RBFOX1: variants seen among roughly 807,000 people sequenced by gnomAD.
RBFOX1 encodes the protein RNA binding protein fox-1 homolog 1.
Under a neutral mutation model 57.7 loss-of-function variants are expected in RBFOX1, and 8 were observed. The observed-to-expected ratio is 0.14, with a 90% CI of 0.08 to 0.25. RBFOX1 has a LOEUF of 0.25. Ranked by LOEUF, RBFOX1 falls within the 10% of genes least tolerant of loss-of-function variation. The probability of loss-of-function intolerance (pLI) is 1.00; values close to 1 mark genes in which losing one functional copy is unlikely to be tolerated. For missense variants in RBFOX1, 611 were observed against 548.5 expected (o/e 1.11, Z -1.14); for synonymous variants, 326 against 222.4 (o/e 1.47, Z -4.15).
chr16:6,625,157 TAAAAAAAA>T (rs34634402), intron 2 of RBFOX1, among the ~76,000 whole-genome samples: 2 of 56,324 alleles, frequency 3.6e-5, no homozygotes, highest in Non-Finnish European at 3.0e-5. Flanking sequence ...CAACCCTATC[TAAAAAAAA>T]AAAAAAAAAA....
At chr16:5,383,900 C>G (rs1462465880) in intron 1 of RBFOX1, among the ~76,000 whole-genome samples, 2 of 152,190 alleles carry the variant, frequency 1.3e-5, no homozygotes, top group Non-Finnish European at 2.9e-5. Context: ...AAGGCTTGAT[C>G]TAGGAGCTTG....
At chr16:6,350,964 A>G (rs2086250073) in intron 2 of RBFOX1, among the ~76,000 whole-genome samples, 1 of 152,190 alleles carries the variant, frequency 6.6e-6, no homozygotes, top group South Asian at 2.1e-4. Context: ...AATGCCTGAA[A>G]TGAAGACCAC....
At chr16:7,083,402 GC>G (rs2059496535) in intron 4 of RBFOX1, among the ~76,000 whole-genome samples, 1 of 151,930 alleles carries the variant, frequency 6.6e-6, no homozygotes. Flanking sequence ...CTGAGCAGAG[GC>G]AGGAAGAGCA....
At chr16:7,280,962 TCCC>T (rs2095530203) in intron 4 of RBFOX1, among the ~76,000 whole-genome samples, 2 of 67,936 alleles carry the variant, frequency 2.9e-5, no homozygotes, top group African/African-American at 1.2e-4. Context: ...CCTACCTCCC[TCCC>T]TCCCTCCCTC....
chr16:5,483,783 G>C (rs773708137), intron 2 of RBFOX1, among the ~76,000 whole-genome samples: 8 of 152,168 alleles, frequency 5.3e-5, no homozygotes, highest in Non-Finnish European at 1.0e-4. Context: ...TAAAACAACA[G>C]ACATTTATTA....
At chr16:6,523,824 T>G (rs1466132446) in intron 2 of RBFOX1, among the ~76,000 whole-genome samples, 1 of 152,178 alleles carries the variant, frequency 6.6e-6, no homozygotes, top group African/African-American at 2.4e-5. Context: ...AGGTAAGATT[T>G]TCTTTGAAAA....
chr16:7,449,829 G>C (rs1332535281), intron 4 of RBFOX1, among the ~76,000 whole-genome samples: 4 of 151,982 alleles, frequency 2.6e-5, no homozygotes, highest in Non-Finnish European at 5.9e-5. Flanking sequence ...CCTTCACAGG[G>C]TAAAGTGTTC....
chr16:7,194,095 A>C (rs1224367377), intron 4 of RBFOX1, among the ~76,000 whole-genome samples: 1 of 152,068 alleles, frequency 6.6e-6, no homozygotes, highest in Non-Finnish European at 1.5e-5. Context: ...TTCTCTTTCC[A>C]TTTCTCTTTC....
At chr16:5,957,288 C>G (rs868791102) in intron 4 of RBFOX1, among the ~76,000 whole-genome samples, 1 of 152,114 alleles carries the variant, frequency 6.6e-6, no homozygotes, top group Non-Finnish European at 1.5e-5. Context: ...GATCTCAGCT[C>G]ACTGCAACCT....
At position 6,537,161 on chromosome 16, in the gene RBFOX1, C is replaced by G. The variant is rs546248964; in HGVS notation, c.-63-117442C>G. On this transcript the variant is annotated intron_variant, in intron 2 of 15. Coordinates refer to ENST00000550418, the MANE Select transcript of RBFOX1 (RefSeq NM_018723.4). ...CACAGGGATCTTTCCAGGAATCTTC[C>G]TACAATGCATATTCTGTTTCGTAGG... Among the ~76,000 whole-genome samples the G allele has an allele frequency of 2.2e-3, 341 of 152,206 alleles. 2 individuals carry two copies. Among genetic ancestry groups the G allele is most frequent in the Non-Finnish European group, 2.8e-3 (191 of 68,028 alleles).
At chr16:7,648,001 T>C (rs976513829) in intron 11 of RBFOX1, among the ~76,000 whole-genome samples, 1 of 152,200 alleles carries the variant, frequency 6.6e-6, no homozygotes, top group Non-Finnish European at 1.5e-5. Flanking sequence ...ATCTCAAATA[T>C]ACATTTTACC....
intron 4 of RBFOX1, among the ~76,000 whole-genome samples, chr16:7,366,903 C>A (rs980337757): frequency 1.3e-5 from 2 of 152,180 alleles, no homozygotes; most frequent in African/African-American, 4.8e-5. Flanking sequence ...TACTTTTCAT[C>A]CCCCCAAATC....
At chr16:5,690,707 G>A (rs1348026150) in intron 3 of RBFOX1, among the ~76,000 whole-genome samples, 1 of 152,124 alleles carries the variant, frequency 6.6e-6, no homozygotes, top group Non-Finnish European at 1.5e-5. Context: ...AAATGAATGG[G>A]TACAGAAAGG....
chr16:6,521,432 T>G (rs2096494991), intron 2 of RBFOX1, among the ~76,000 whole-genome samples: 1 of 145,480 alleles, frequency 6.9e-6, no homozygotes, highest in African/African-American at 2.5e-5. Context: ...CTTCCTTCCC[T>G]TCCCTCCCCT....
chr16:6,986,957 C>G (rs926704570), intron 3 of RBFOX1, among the ~76,000 whole-genome samples: 3 of 152,162 alleles, frequency 2.0e-5, no homozygotes, highest in African/African-American at 7.2e-5. Flanking sequence ...CATTCCCTAC[C>G]CATGCTTTCG....
chr16:7,017,200 C>T (rs879286073), intron 3 of RBFOX1, among the ~76,000 whole-genome samples: 2 of 152,086 alleles, frequency 1.3e-5, no homozygotes, highest in Non-Finnish European at 2.9e-5. Context: ...CAAGTGTTGG[C>T]GAAGTTTCCC....
chr16:6,000,346 C>A (rs2060575466), intron 4 of RBFOX1, among the ~76,000 whole-genome samples: 1 of 152,116 alleles, frequency 6.6e-6, no homozygotes, highest in Admixed American at 6.6e-5. Context: ...CAAAGCTCAG[C>A]CCTGACCAGG....
chr16:6,759,156 T>TG (rs2076233200), intron 3 of RBFOX1, among the ~76,000 whole-genome samples: 2 of 151,470 alleles, frequency 1.3e-5, no homozygotes, highest in East Asian at 3.9e-4. Flanking sequence ...ATTCTTTTTT[T>TG]TTTTTCTTTT....
At chr16:6,239,787 A>G (rs1161609427) in intron 1 of RBFOX1, among the ~76,000 whole-genome samples, 4 of 152,096 alleles carry the variant, frequency 2.6e-5, no homozygotes, top group East Asian at 3.9e-4. Context: ...GTGAGCCACC[A>G]TGCCCAGCCT....
Sources: allele counts gnomAD v4.1 joint callset (sites outside exome capture counted in the v4.1 genomes callset), GRCh38; gene constraint gnomAD v4.1.1; transcripts MANE v1.5; gene names NCBI Gene and HGNC (gene_info 2026-07-23, HGNC 2026-07-21).